POU6F2: variants seen among roughly 807,000 people sequenced by gnomAD.
POU6F2 encodes POU domain, class 6, transcription factor 2.
A neutral mutation model predicts 71.3 loss-of-function variants in POU6F2; 31 were observed. The observed-to-expected ratio is 0.43, with a 90% CI of 0.33 to 0.59. The LOEUF is 0.59. Among genes scored for constraint, POU6F2 ranks in the 20% least tolerant of loss-of-function variants. The pLI, the probability that POU6F2 is intolerant of heterozygous loss-of-function variation, is 0.04. For missense variants in POU6F2, 783 were observed against 856.8 expected, an observed-to-expected ratio of 0.91 and a Z score of 1.07; for synonymous variants, 347 against 355.7, an observed-to-expected ratio of 0.98 and a Z score of 0.27.
chr7:39,403,409 A>G (rs1353217526), intron 5 of POU6F2, among the ~76,000 whole-genome samples: 1 of 152,194 alleles, frequency 6.6e-6, no homozygotes, highest in Non-Finnish European at 1.5e-5. Flanking sequence ...ACCAGAATTC[A>G]TCATGTCTTT....
At chr7:39,378,502 A>T (rs1479010765) in intron 5 of POU6F2, among the ~76,000 whole-genome samples, 1 of 152,208 alleles carries the variant, frequency 6.6e-6, no homozygotes, top group Admixed American at 6.5e-5. Flanking sequence ...CATAGTGTGG[A>T]ATGGAAGAGC....
At chr7:39,190,476 C>A (rs1346354164) in intron 2 of POU6F2, among the ~76,000 whole-genome samples, 1 of 134,704 alleles carries the variant, frequency 7.4e-6, no homozygotes, top group Non-Finnish European at 1.6e-5. Flanking sequence ...AATTTTCTAA[C>A]CCTTAATTCT....
In POU6F2 at chr7:39,126,611, T is replaced by C. The variant is rs200546436; in HGVS notation, c.277+40580T>C. 5.3e-5 allele frequency among the ~76,000 whole-genome samples: 8 copies of C among 152,308 alleles called. No homozygotes were observed. In the East Asian group the frequency reaches 1.4e-3, roughly 26 times the overall value. The stretch of plus-strand genomic sequence containing the variant: ...GTTTAGAAATGAAAATAATTAAGAC[T>C]GGCCTAAGATTTTCCTAAGCAGACC... On this transcript the variant is annotated intron_variant, in intron 2 of 9. Transcript: ENST00000518318.
intron 7 of POU6F2, among the ~76,000 whole-genome samples, chr7:39,447,971 T>G (rs1237776260): frequency 2.0e-5 from 3 of 152,248 alleles, no homozygotes; most frequent in African/African-American, 7.2e-5. Context: ...AATTTTTATA[T>G]TGAACCCGAG....
At chr7:39,037,709 T>A (rs1460215424) in intron 1 of POU6F2, among the ~76,000 whole-genome samples, 2 of 152,058 alleles carry the variant, frequency 1.3e-5, no homozygotes, top group Non-Finnish European at 2.9e-5. Context: ...ACAGACCAAA[T>A]CATGTTTGTT....
intron 5 of POU6F2, among the ~76,000 whole-genome samples, chr7:39,356,314 A>G (rs1786255935): frequency 6.6e-6 from 1 of 151,956 alleles, no homozygotes; most frequent in Non-Finnish European, 1.5e-5. Context: ...TGTGCCTGAC[A>G]CAATCCCTCC....
chr7:38,997,396 C>T (rs1788769859), intron 1 of POU6F2, among the ~76,000 whole-genome samples: 1 of 152,172 alleles, frequency 6.6e-6, no homozygotes, highest in Non-Finnish European at 1.5e-5. Flanking sequence ...ACTTCCACAA[C>T]AATTTGTGTT....
intron 4 of POU6F2, among the ~76,000 whole-genome samples, chr7:39,327,241 T>C (rs1186266273): frequency 6.7e-6 from 1 of 149,418 alleles, no homozygotes; most frequent in Non-Finnish European, 1.5e-5. Context: ...ATCACGCCAC[T>C]GCACTCCAGC....
At chr7:39,025,352 T>TA (rs1789775922) in intron 1 of POU6F2, among the ~76,000 whole-genome samples, 1 of 152,154 alleles carries the variant, frequency 6.6e-6, no homozygotes. Context: ...CAGACTACAC[T>TA]ACAAGGCTAT....
intron 4 of POU6F2, among the ~76,000 whole-genome samples, chr7:39,299,939 A>G (rs367788101): frequency 6.6e-6 from 1 of 152,148 alleles, no homozygotes; most frequent in African/African-American, 2.4e-5. Flanking sequence ...TCATGCCCCC[A>G]GCCAGGAGGC....
At chr7:39,282,862 C>T (rs1784584320) in intron 4 of POU6F2, among the ~76,000 whole-genome samples, 1 of 152,010 alleles carries the variant, frequency 6.6e-6, no homozygotes, top group Non-Finnish European at 1.5e-5. Flanking sequence ...ATCTATAGAT[C>T]ACTTGGGTAG....
chr7:38,990,672 C>T (rs930830678), intron 1 of POU6F2, among the ~76,000 whole-genome samples: 2 of 151,954 alleles, frequency 1.3e-5, no homozygotes, highest in Admixed American at 1.3e-4. Flanking sequence ...CTTTTTTTGT[C>T]TGGAGCCTGT....
At chr7:39,055,045 G>C (rs1369761927) in intron 1 of POU6F2, among the ~76,000 whole-genome samples, 2 of 152,140 alleles carry the variant, frequency 1.3e-5, no homozygotes, top group African/African-American at 4.8e-5. Flanking sequence ...TTTGGGTGCA[G>C]AGAGAATAGA....
chr7:39,032,027 A>G (rs774324707), intron 1 of POU6F2, among the ~76,000 whole-genome samples: 1 of 152,188 alleles, frequency 6.6e-6, no homozygotes, highest in South Asian at 2.1e-4. Flanking sequence ...GATGCTACTC[A>G]TTATTTCTAG....
At chr7:39,178,972 A>G (rs923660129) in intron 2 of POU6F2, among the ~76,000 whole-genome samples, 2 of 152,154 alleles carry the variant, frequency 1.3e-5, no homozygotes, top group East Asian at 3.9e-4. Flanking sequence ...TCCTCATTAA[A>G]GGGATGAGAC....
At chr7:39,189,199 C>T (rs1793606554) in intron 2 of POU6F2, among the ~76,000 whole-genome samples, 1 of 152,180 alleles carries the variant, frequency 6.6e-6, no homozygotes. Flanking sequence ...GACAAGGCCA[C>T]TCTGACCAGG....
At chr7:39,290,702 CCT>C (rs1216909382) in intron 4 of POU6F2, among the ~76,000 whole-genome samples, 2 of 152,144 alleles carry the variant, frequency 1.3e-5, no homozygotes, top group African/African-American at 4.8e-5. Flanking sequence ...CCAGCTATGC[CCT>C]CTCTTTGCAA....
intron 2 of POU6F2, among the ~76,000 whole-genome samples, chr7:39,112,519 G>C (rs909860827): frequency 6.6e-6 from 1 of 152,138 alleles, no homozygotes; most frequent in Non-Finnish European, 1.5e-5. Flanking sequence ...GCAGGGCAGA[G>C]AAGTAACATT....
At chr7:39,414,968 G>C (rs1351270805) in intron 6 of POU6F2, among the ~76,000 whole-genome samples, 1 of 152,014 alleles carries the variant, frequency 6.6e-6, no homozygotes, top group Non-Finnish European at 1.5e-5. Context: ...CTGGGATGCT[G>C]TCACTTTTCC....
Sources: allele counts gnomAD v4.1 joint callset (sites outside exome capture counted in the v4.1 genomes callset), GRCh38; gene constraint gnomAD v4.1.1; transcripts MANE v1.5; gene names NCBI Gene and HGNC (gene_info 2026-07-23, HGNC 2026-07-21).